Variants in PDE1C observed in about 807,000 individuals in gnomAD.
The protein encoded by PDE1C is phosphodiesterase 1C.
PDE1C carries 62 observed loss-of-function variants against 93.1 expected under a neutral mutation model. That is an observed-to-expected ratio of 0.67 (90% CI 0.54 to 0.82). The LOEUF (loss-of-function observed/expected upper bound fraction) is 0.82, where lower values mean the gene tolerates loss of function less well. Ranked by LOEUF, PDE1C falls within the 40% of genes least tolerant of loss-of-function variation. PDE1C has a pLI of 0.00. For synonymous variants in PDE1C, 325 were observed against 310.1 expected (o/e 1.05, Z -0.50); for missense variants, 742 against 884.6 (o/e 0.84, Z 2.04).
the PDE1C span, among the ~76,000 whole-genome samples, chr7:31,690,602 G>C: frequency 6.6e-6 from 1 of 152,174 alleles, no homozygotes; most frequent in Non-Finnish European, 1.5e-5. Flanking sequence ...TTTAAGAGCT[G>C]AGATTTAAAC....
At chr7:32,013,717 T>C (rs1037638800) in intron 2 of PDE1C, among the ~76,000 whole-genome samples, 1 of 152,236 alleles carries the variant, frequency 6.6e-6, no homozygotes, top group African/African-American at 2.4e-5. Flanking sequence ...GGCTAAATTG[T>C]GGGAGCTAAG....
chr7:31,776,269 G>A (rs1782953971), intron 16 of PDE1C, among the ~76,000 whole-genome samples: 1 of 152,180 alleles, frequency 6.6e-6, no homozygotes. Flanking sequence ...GTCTTCATCT[G>A]CAAAATGACG....
intron 9 of PDE1C, among the ~76,000 whole-genome samples, chr7:31,840,721 T>C (rs1392222385): frequency 6.6e-6 from 1 of 152,186 alleles, no homozygotes; most frequent in Non-Finnish European, 1.5e-5. Context: ...TTTGGCATCA[T>C]AAATCAATTG....
At chr7:32,180,667 T>C (rs1029963590) in intron 2 of PDE1C, among the ~76,000 whole-genome samples, 1 of 152,232 alleles carries the variant, frequency 6.6e-6, no homozygotes, top group Non-Finnish European at 1.5e-5. Flanking sequence ...CTGTTTTTTA[T>C]AAATTACCCA....
chr7:31,659,659 C>T, the PDE1C span, among the ~76,000 whole-genome samples: 1 of 152,122 alleles, frequency 6.6e-6, no homozygotes, highest in Non-Finnish European at 1.5e-5. Flanking sequence ...CTGAAAACTC[C>T]TTATTAAAAT....
chr7:31,646,216 T>G, the PDE1C span, among the ~76,000 whole-genome samples: 14 of 152,340 alleles, frequency 9.2e-5, no homozygotes, highest in East Asian at 2.5e-3. Context: ...CTAGACCTGT[T>G]TAATCCATCA....
At chr7:31,754,493 T>G (rs1794327451) in intron 17 of PDE1C, among the ~76,000 whole-genome samples, 1 of 152,230 alleles carries the variant, frequency 6.6e-6, no homozygotes, top group Non-Finnish European at 1.5e-5. Context: ...TAAGATGTCC[T>G]TCAATAGTTG....
At chr7:31,823,383 A>G in intron 13 of PDE1C, 135 bp from the exon 14 acceptor site, 1 of 635,816 alleles carries the variant, frequency 1.6e-6, no homozygotes, top group Non-Finnish European at 2.5e-6. Context: ...GAGGTTTATA[A>G]TTATTCTATT....
rs569850156 is a variant in PDE1C at position 32,197,623 on chromosome 7, A to T, written c.136+11866T>A. Among the ~76,000 whole-genome samples the T allele has an allele frequency of 3.3e-5, 5 of 152,314 alleles. No individual in the cohort carries two copies. The South Asian group carries it at 1.0e-3, about 32-fold the overall frequency. On this transcript the variant is annotated intron_variant, in intron 2 of 18. Coordinates refer to the PDE1C transcript ENST00000396193. ...GGAATATTGTCCTGCAATATAAAGG[A>T]ATGATTTGCTTACACATGTTACAAC...
At chr7:31,716,719 A>G in the PDE1C span, among the ~76,000 whole-genome samples, 1 of 152,220 alleles carries the variant, frequency 6.6e-6, no homozygotes, top group Non-Finnish European at 1.5e-5. Flanking sequence ...ATGGCATTTT[A>G]TAAATAATTG....
chr7:31,852,183 G>T (rs1378834412), intron 7 of PDE1C, among the ~76,000 whole-genome samples: 2 of 152,066 alleles, frequency 1.3e-5, no homozygotes, highest in Non-Finnish European at 2.9e-5. Context: ...ATTGGTAAGG[G>T]GAAAATAAAC....
intron 1 of PDE1C, among the ~76,000 whole-genome samples, chr7:32,386,058 C>G (rs1784619550): frequency 6.6e-6 from 1 of 150,494 alleles, no homozygotes; most frequent in South Asian, 2.1e-4. Flanking sequence ...GCTCCTTCCA[C>G]TCTTTCCTTT....
At chr7:31,744,182 C>G in the PDE1C span, among the ~76,000 whole-genome samples, 2 of 152,062 alleles carry the variant, frequency 1.3e-5, no homozygotes, top group Non-Finnish European at 2.9e-5. Flanking sequence ...ATTATATTTA[C>G]TATGATTCCT....
intron 2 of PDE1C, among the ~76,000 whole-genome samples, chr7:32,016,091 A>G (rs1413916805): frequency 1.3e-5 from 2 of 152,206 alleles, no homozygotes; most frequent in East Asian, 1.9e-4. Flanking sequence ...CTTAATTTGT[A>G]TATAGTTAAA....
chr7:32,254,249 T>C (rs1400292309), intron 1 of PDE1C, among the ~76,000 whole-genome samples: 1 of 152,128 alleles, frequency 6.6e-6, no homozygotes, highest in Non-Finnish European at 1.5e-5. Flanking sequence ...AACAACAGGA[T>C]GAGACTCTGA....
intron 2 of PDE1C, among the ~76,000 whole-genome samples, chr7:31,950,170 A>C (rs1264452589): frequency 1.3e-5 from 2 of 152,262 alleles, no homozygotes; most frequent in Middle Eastern, 6.8e-3. Flanking sequence ...AAAAATTAAA[A>C]CTCCCATTTG....
chr7:32,244,255 G>A (rs550750311), intron 1 of PDE1C, among the ~76,000 whole-genome samples: 2 of 152,314 alleles, frequency 1.3e-5, no homozygotes, highest in African/African-American at 4.8e-5. Context: ...GGTAGTTGGG[G>A]ATGTAGTTGT....
intron 2 of PDE1C, among the ~76,000 whole-genome samples, chr7:31,968,316 C>A (rs1252397083): frequency 6.6e-6 from 1 of 152,024 alleles, no homozygotes; most frequent in Non-Finnish European, 1.5e-5. Flanking sequence ...ACACCAATAA[C>A]AGACAAACAG....
chr7:31,983,615 TA>T (rs199931915), intron 2 of PDE1C, among the ~76,000 whole-genome samples: 2 of 151,034 alleles, frequency 1.3e-5, no homozygotes, highest in East Asian at 3.9e-4. Context: ...ACCCTGCCTC[TA>T]AAAAAAATAA....
Sources: allele counts gnomAD v4.1 joint callset (sites outside exome capture counted in the v4.1 genomes callset), GRCh38; gene constraint gnomAD v4.1.1; transcripts MANE v1.5; gene names NCBI Gene and HGNC (gene_info 2026-07-23, HGNC 2026-07-21).